MCPH1: variants seen among roughly 807,000 people sequenced by gnomAD.
MCPH1 encodes microcephalin 1, also known as microcephalin.
MCPH1 carries 104 observed loss-of-function variants against 84.5 expected under a neutral mutation model. The observed-to-expected ratio is 1.23, with a 90% CI of 1.05 to 1.45. The LOEUF (loss-of-function observed/expected upper bound fraction) is 1.45. MCPH1 is among the 40% of genes most tolerant of loss of function. The pLI is 0.00. For synonymous variants in MCPH1, 514 were observed against 366.8 expected (o/e 1.40, Z -4.58); for missense variants, 1,498 against 1,005.7 (o/e 1.49, Z -6.62).
intron 8 of MCPH1, among the ~76,000 whole-genome samples, chr8:6,448,007 A>G (rs1235205066): frequency 6.6e-6 from 1 of 152,130 alleles, no homozygotes; most frequent in Non-Finnish European, 1.5e-5. Flanking sequence ...TCTTTTCACT[A>G]ATTCACTTCC....
intron 12 of MCPH1, chr8:6,503,301 A>G: frequency 6.2e-7 from 1 of 1,610,472 alleles, no homozygotes; most frequent in East Asian, 2.2e-5. Context: ...GAACTAGGTG[A>G]TGCCAGCTCC....
intron 12 of MCPH1, among the ~76,000 whole-genome samples, chr8:6,526,324 C>A (rs761322170): frequency 6.9e-6 from 1 of 145,426 alleles, no homozygotes; most frequent in Admixed American, 6.9e-5. Flanking sequence ...GTCCCAGCTA[C>A]TCAGGAGGCT....
chr8:6,542,678 G>C (rs747151310), intron 12 of MCPH1, among the ~76,000 whole-genome samples: 1 of 151,802 alleles, frequency 6.6e-6, no homozygotes, highest in Non-Finnish European at 1.5e-5. Flanking sequence ...AGATACTGAT[G>C]GCCTTTTACG....
At chr8:6,595,106 C>T (rs1358660277) in intron 12 of MCPH1, among the ~76,000 whole-genome samples, 1 of 152,172 alleles carries the variant, frequency 6.6e-6, no homozygotes, top group Non-Finnish European at 1.5e-5. Context: ...TCTTTGGGAA[C>T]CTCGCTCCCC....
chr8:6,611,577 G>A (rs1040706871), intron 12 of MCPH1, among the ~76,000 whole-genome samples: 2 of 152,180 alleles, frequency 1.3e-5, no homozygotes, highest in Non-Finnish European at 2.9e-5. Flanking sequence ...GCACCAGGGT[G>A]TGTTCAACCC....
chr8:6,611,732 C>T (rs1830288746), intron 12 of MCPH1, among the ~76,000 whole-genome samples: 1 of 152,222 alleles, frequency 6.6e-6, no homozygotes, highest in Non-Finnish European at 1.5e-5. Flanking sequence ...CATTCTCCTG[C>T]CTCAGCCTCC....
intron 12 of MCPH1, among the ~76,000 whole-genome samples, chr8:6,543,306 A>T (rs1445369081): frequency 6.6e-6 from 1 of 152,124 alleles, no homozygotes; most frequent in African/African-American, 2.4e-5. Flanking sequence ...CCGTCCGCAA[A>T]TGTGTTTGTA....
At chr8:6,457,639 C>T (rs1290314045) in intron 9 of MCPH1, among the ~76,000 whole-genome samples, 1 of 152,114 alleles carries the variant, frequency 6.6e-6, no homozygotes, top group Non-Finnish European at 1.5e-5. Flanking sequence ...TTTCTGGCCC[C>T]ACCTGAGACC....
At chr8:6,583,113 C>G (rs1281878943) in intron 12 of MCPH1, among the ~76,000 whole-genome samples, 2 of 152,170 alleles carry the variant, frequency 1.3e-5, no homozygotes, top group Admixed American at 6.5e-5. Flanking sequence ...CAATCTCTAT[C>G]CTAACCAGCA....
chr8:6,417,325 A>G (rs759284741), intron 3 of MCPH1, among the ~76,000 whole-genome samples: 6 of 152,236 alleles, frequency 3.9e-5, no homozygotes, highest in Non-Finnish European at 4.4e-5. Flanking sequence ...GTCTCTGCTC[A>G]ACAGCTCAGC....
intron 3 of MCPH1, among the ~76,000 whole-genome samples, chr8:6,417,407 AC>A (rs1799473054): frequency 4.1e-5 from 1 of 24,112 alleles, no homozygotes; most frequent in Non-Finnish European, 3.2e-4. Context: ...AGCAAACTTT[AC>A]TTATAAGTCT....
At chr8:6,519,960 T>C in intron 12 of MCPH1, 1 of 1,614,130 alleles carries the variant, frequency 6.2e-7, no homozygotes, top group Non-Finnish European at 8.5e-7. Flanking sequence ...TGAAGCTGAT[T>C]TGTTCTTCTT....
intron 4 of MCPH1, among the ~76,000 whole-genome samples, chr8:6,432,185 G>A (rs1801938717): frequency 6.6e-6 from 1 of 152,178 alleles, no homozygotes; most frequent in Non-Finnish European, 1.5e-5. Context: ...GCCCAAGCTA[G>A]TCTCAAACTC....
intron 12 of MCPH1, among the ~76,000 whole-genome samples, chr8:6,592,322 T>G (rs1828525884): frequency 1.3e-5 from 2 of 151,962 alleles, no homozygotes; most frequent in Non-Finnish European, 2.9e-5. Flanking sequence ...CGGCTAATTA[T>G]TTTTGGTAGA....
chr8:6,482,976 G>C (rs1384923936), intron 11 of MCPH1, among the ~76,000 whole-genome samples: 1 of 152,186 alleles, frequency 6.6e-6, no homozygotes, highest in Non-Finnish European at 1.5e-5. Context: ...GGAAGAAATA[G>C]AGTTATCTCT....
chr8:6,493,047 A>C (rs1233736057), intron 11 of MCPH1, among the ~76,000 whole-genome samples: 2 of 152,196 alleles, frequency 1.3e-5, no homozygotes, highest in African/African-American at 4.8e-5. Context: ...CTGTGTTTTC[A>C]TACAGTGAAG....
intron 12 of MCPH1, among the ~76,000 whole-genome samples, chr8:6,504,604 A>T (rs975445742): frequency 3.9e-5 from 6 of 152,288 alleles, no homozygotes; most frequent in Admixed American, 6.5e-5. Context: ...CAGATATGTC[A>T]AAGAGAAGCT....
rs377282296 is a variant in MCPH1 at position 6,438,967 on chromosome 8, A to T, written c.451A>T (p.Ile151Phe). 1.2e-6 allele frequency: 2 copies of T among 1,612,348 alleles called. No homozygotes were observed. Among genetic ancestry groups the T allele is most frequent in the African/African-American group, 2.7e-5 (2 of 75,000 alleles). Residue 151 changes from isoleucine (I) to phenylalanine (F), a missense_variant, in exon 6 of 14, where the codon ATT becomes TTT. Coordinates refer to ENST00000344683, the MANE Select transcript of MCPH1 (RefSeq NM_024596.5). The stretch of plus-strand genomic sequence containing the variant: ...TTTATTTTCAGATGATGATGTACCT[A>T]TTCTCTTATTTGAATCTAATGGTTC... ...QKTNLDDDVP[I>F]LLFESNGSLI...
chr8:6,509,397 T>C (rs1814482680), intron 12 of MCPH1, among the ~76,000 whole-genome samples: 1 of 152,190 alleles, frequency 6.6e-6, no homozygotes, highest in South Asian at 2.1e-4. Context: ...TCCTCCCAGG[T>C]CTCCAGTCAT....
Sources: allele counts gnomAD v4.1 joint callset (sites outside exome capture counted in the v4.1 genomes callset), GRCh38; gene constraint gnomAD v4.1.1; transcripts MANE v1.5; gene names NCBI Gene and HGNC (gene_info 2026-07-23, HGNC 2026-07-21).